The following CTNNA3 variants were observed in gnomAD, a reference collection of about 807,000 sequenced individuals.
The protein encoded by CTNNA3 is catenin alpha-3.
In CTNNA3, 76 loss-of-function variants were observed where a neutral mutation model predicts 95.7. That is an observed-to-expected ratio of 0.79 (90% CI 0.66 to 0.96). The LOEUF (loss-of-function observed/expected upper bound fraction) is 0.96. CTNNA3 is among the 40% of genes least tolerant of loss of function. The pLI, the probability that CTNNA3 is intolerant of heterozygous loss-of-function variation, is 0.00. For missense variants in CTNNA3, 1,191 were observed against 1,089.8 expected (o/e 1.09, Z -1.31); for synonymous variants, 431 against 374.4 (o/e 1.15, Z -1.74).
Position 66,749,162 on chromosome 10 carries a change from C to G in CTNNA3, c.1281+17102G>C, listed in dbSNP as rs1227626431. Among the ~76,000 whole-genome samples the G allele has an allele frequency of 5.0e-5, 7 of 140,158 alleles. No individual in the cohort carries two copies. The East Asian group carries it at 8.3e-4, about 17-fold the overall frequency. 91.9% of individuals were successfully genotyped at this position (140,158 alleles called of 152,430 possible). ...AGGTTGCAGTGAGCCAAGATTGTGC[C>G]GCTGCACTCCAGCCTGGGCAACACA... On this transcript the variant is annotated intron_variant, in intron 9 of 17. Coordinates refer to ENST00000433211, the MANE Select transcript of CTNNA3 (RefSeq NM_013266.4).
intron 15 of CTNNA3, among the ~76,000 whole-genome samples, chr10:66,050,815 A>G (rs2079937907): frequency 6.6e-6 from 1 of 151,986 alleles, no homozygotes; most frequent in Admixed American, 6.6e-5. Context: ...ATTAATCCAC[A>G]GGACATAGGC....
chr10:66,034,146 TTAGA>T (rs2079510909), intron 15 of CTNNA3, among the ~76,000 whole-genome samples: 1 of 152,016 alleles, frequency 6.6e-6, no homozygotes, highest in African/African-American at 2.4e-5. Flanking sequence ...GATATTTGAA[TTAGA>T]TAGTGTGAGT....
chr10:66,564,963 T>C (rs1347716601), intron 10 of CTNNA3, among the ~76,000 whole-genome samples: 6 of 152,200 alleles, frequency 3.9e-5, no homozygotes, highest in African/African-American at 1.2e-4. Flanking sequence ...TCTTTGGCTA[T>C]TTCCACTGGG....
intron 7 of CTNNA3, among the ~76,000 whole-genome samples, chr10:67,040,264 A>G (rs1005292448): frequency 3.3e-5 from 5 of 152,134 alleles, no homozygotes; most frequent in African/African-American, 1.2e-4. Context: ...TAAGGGTTCC[A>G]GATAAGATGA....
intron 10 of CTNNA3, among the ~76,000 whole-genome samples, chr10:66,586,028 G>A (rs1843349939): frequency 6.6e-6 from 1 of 152,062 alleles, no homozygotes; most frequent in Admixed American, 6.6e-5. Context: ...GGCAAAGACT[G>A]TATGAGTTTC....
chr10:67,111,110 G>A (rs766687901), intron 7 of CTNNA3, among the ~76,000 whole-genome samples: 7 of 152,022 alleles, frequency 4.6e-5, no homozygotes, highest in South Asian at 4.1e-4. Flanking sequence ...TCCTCTTCAC[G>A]TTTATGTCTT....
chr10:66,116,621 T>C (rs866584645), intron 13 of CTNNA3, among the ~76,000 whole-genome samples: 8 of 152,130 alleles, frequency 5.3e-5, no homozygotes, highest in Non-Finnish European at 7.4e-5. Context: ...AGAAGCTAAA[T>C]AAAAACACAT....
chr10:66,503,916 T>C (rs1840362373), intron 11 of CTNNA3, among the ~76,000 whole-genome samples: 2 of 152,192 alleles, frequency 1.3e-5, no homozygotes, highest in Admixed American at 1.3e-4. Context: ...TTTAAAATTA[T>C]TTCTTTTTTA....
intron 5 of CTNNA3, among the ~76,000 whole-genome samples, chr10:67,387,274 TCCGA>T (rs1022222750): frequency 2.0e-5 from 3 of 152,084 alleles, no homozygotes; most frequent in Admixed American, 2.0e-4. Context: ...GAGTTCCCTT[TCCGA>T]GTCAAAGAAA....
chr10:66,903,766 C>A (rs1026657212), intron 7 of CTNNA3, among the ~76,000 whole-genome samples: 10 of 152,188 alleles, frequency 6.6e-5, no homozygotes, highest in African/African-American at 2.4e-4. Context: ...CATGAGTGAA[C>A]TCTCATTCAC....
chr10:67,493,417 C>T (rs888528197), intron 5 of CTNNA3, among the ~76,000 whole-genome samples: 1 of 151,992 alleles, frequency 6.6e-6, no homozygotes, highest in African/African-American at 2.4e-5. Flanking sequence ...AAAAAATTAG[C>T]TGGGCGTGGT....
intron 12 of CTNNA3, among the ~76,000 whole-genome samples, chr10:66,292,094 C>CAT (rs1025544287): frequency 3.4e-4 from 51 of 150,566 alleles, no homozygotes; most frequent in Non-Finnish European, 6.2e-4. Context: ...CACACACACA[C>CAT]ATATATATAT....
intron 13 of CTNNA3, among the ~76,000 whole-genome samples, chr10:66,104,126 T>A (rs989448257): frequency 3.9e-5 from 6 of 152,196 alleles, no homozygotes; most frequent in African/African-American, 1.4e-4. Flanking sequence ...ATTCAGTGTC[T>A]ATTATAAAGA....
chr10:66,095,554 C>G (rs76107854), intron 14 of CTNNA3, among the ~76,000 whole-genome samples: 1 of 151,888 alleles, frequency 6.6e-6, no homozygotes, highest in Non-Finnish European at 1.5e-5. Flanking sequence ...ATAATTATGG[C>G]CTGTTAAAAT....
At chr10:66,000,111 T>A (rs570384566) in intron 15 of CTNNA3, among the ~76,000 whole-genome samples, 1 of 151,794 alleles carries the variant, frequency 6.6e-6, no homozygotes. Flanking sequence ...TAAAACATTA[T>A]GGGTTAGAAA....
At chr10:66,917,925 T>G (rs1846580561) in intron 7 of CTNNA3, among the ~76,000 whole-genome samples, 1 of 152,168 alleles carries the variant, frequency 6.6e-6, no homozygotes, top group South Asian at 2.1e-4. Context: ...TAAATTTGGT[T>G]AAGAGGTTTT....
chr10:66,514,763 T>G (rs7896205), intron 11 of CTNNA3, among the ~76,000 whole-genome samples: 28,054 of 152,118 alleles, frequency 0.18, 2,861 homozygotes, highest in African/African-American at 0.27. Context: ...AACCCTTATA[T>G]TTAATCAGTT....
chr10:67,248,853 T>C (rs745425839), intron 5 of CTNNA3, among the ~76,000 whole-genome samples: 43 of 152,322 alleles, frequency 2.8e-4, no homozygotes, highest in Middle Eastern at 3.4e-3. Context: ...AGTGTTCCAT[T>C]ATTGGAATGC....
At chr10:67,692,715 G>GA (rs1840890649) in intron 1 of CTNNA3, among the ~76,000 whole-genome samples, 1 of 79,840 alleles carries the variant, frequency 1.3e-5, no homozygotes, top group Non-Finnish European at 2.3e-5. Flanking sequence ...CCCTCTGCGA[G>GA]AAACACCCAA....
Sources: gnomAD v4.1 joint callset for allele counts (sites outside exome capture counted in the v4.1 genomes callset) on GRCh38, gnomAD v4.1.1 for gene constraint, MANE v1.5 for transcripts, NCBI Gene and HGNC (gene_info 2026-07-23, HGNC 2026-07-21) for gene names.